The following AGBL1 variants were observed in gnomAD, a reference collection of about 807,000 sequenced individuals.
AGBL1 encodes cytosolic carboxypeptidase 4.
Under a neutral mutation model 118.9 loss-of-function variants are expected in AGBL1, and 130 were observed. That is an observed-to-expected ratio of 1.09 (90% CI 0.95 to 1.26). The LOEUF is 1.26. AGBL1 is among the 50% of genes most tolerant of loss of function. AGBL1 has a pLI of 0.00. For synonymous variants in AGBL1, 555 were observed against 478.9 expected (o/e 1.16, Z -2.08); for missense variants, 1,584 against 1,298.1 (o/e 1.22, Z -3.38).
At position 86,999,516 on chromosome 15, in the gene AGBL1, G is replaced by A. The variant is rs547428796; in HGVS notation, c.3323+11428G>A. On this transcript the variant is annotated intron_variant, in intron 24 of 24. Coordinates refer to the AGBL1 transcript ENST00000441037. The stretch of plus-strand genomic sequence containing the variant: ...GATACTTTAGTTTACTGAGAATGAT[G>A]ATTTCCAATTTCATCCATGTCCCTA... Among the ~76,000 whole-genome samples the A allele has an allele frequency of 1.2e-4, 18 of 147,246 alleles. 2 individuals are homozygous for A. The South Asian group carries it at 2.9e-3, about 24-fold the overall frequency.
intron 17 of AGBL1, among the ~76,000 whole-genome samples, chr15:86,372,388 T>G (rs1418513676): frequency 6.6e-6 from 1 of 152,160 alleles, no homozygotes; most frequent in Non-Finnish European, 1.5e-5. Flanking sequence ...CTCATCTGTC[T>G]TAAGGTCAAA....
intron 5 of AGBL1, among the ~76,000 whole-genome samples, chr15:86,169,330 A>G (rs2077383946): frequency 6.6e-6 from 1 of 152,178 alleles, no homozygotes; most frequent in Non-Finnish European, 1.5e-5. Flanking sequence ...AGGAAAGACC[A>G]CCTGCAGGAA....
In AGBL1 at chr15:86,397,507, T is replaced by C; in HGVS notation, c.2516T>C (p.Ile839Thr). 6.2e-7 allele frequency: 1 copy of C among 1,612,660 alleles called. No homozygotes were observed. Among genetic ancestry groups the C allele is most frequent in the Non-Finnish European group, 8.5e-7 (1 of 1,179,324 alleles). The change falls in exon 18 of 23, where the codon ATC becomes ACC. Residue 839 changes from isoleucine (I) to threonine (T), a missense_variant. Physicochemically the swap from Ile to Thr is moderately conservative, Grantham distance 89. Coordinates refer to ENST00000614907, the MANE Select transcript of AGBL1 (RefSeq NM_001386094.1). Reference protein sequence around the residue: ...RLLRENFIFKIIPMLNPDGVI... With the variant: ...RLLRENFIFKTIPMLNPDGVI... ...TTGAGGGAAAACTTCATCTTCAAGA[T>C]CATACCCATGCTCAACCCAGATGGT... is the stretch of plus-strand genomic sequence containing the variant.
rs146028004 is a variant in AGBL1 at position 86,552,437 on chromosome 15, G to A, written c.2818-1924G>A. ...AACTTTTGCGACATGGTATGCCAAT[G>A]TTAAGTTAAAGCTATTTGCCAGTAT... On this transcript the variant is annotated intron_variant, in intron 20 of 22. Transcript: ENST00000614907. Among the ~76,000 whole-genome samples the A allele has an allele frequency of 5.0e-3, 765 of 152,336 alleles. 7 individuals are homozygous for A. The highest frequency in any genetic ancestry group is 0.016 in the African/African-American group (670 of 41,576).
chr15:86,349,173 T>C (rs2080585931), intron 17 of AGBL1, among the ~76,000 whole-genome samples: 1 of 152,212 alleles, frequency 6.6e-6, no homozygotes, highest in Non-Finnish European at 1.5e-5. Context: ...GGAGGAAATA[T>C]GGCCTGGTAA....
At position 86,894,403 on chromosome 15, in the gene AGBL1, A is replaced by G. The variant is rs114644513; in HGVS notation, c.3159-12684A>G. ...TAACATATGTATTTCATCCTGAGGG[A>G]GCTGAATCTGAGCTGCAGAGAGAGC... On this transcript the variant is annotated intron_variant, in intron 22 of 22. Coordinates refer to ENST00000614907, the MANE Select transcript of AGBL1 (RefSeq NM_001386094.1). 6.8e-3 allele frequency among the ~76,000 whole-genome samples: 1,036 copies of G among 152,192 alleles called. 23 individuals are homozygous for G. Among genetic ancestry groups the G allele is most frequent in the African/African-American group, 0.023 (970 of 41,532 alleles).
chr15:86,363,514 G>A (rs1284444021), intron 17 of AGBL1, among the ~76,000 whole-genome samples: 1 of 151,974 alleles, frequency 6.6e-6, no homozygotes, highest in Non-Finnish European at 1.5e-5. Context: ...CTCACCTTCT[G>A]GAAGCCCTCT....
intron 22 of AGBL1, among the ~76,000 whole-genome samples, chr15:86,821,249 C>G (rs1290400470): frequency 6.6e-6 from 1 of 151,988 alleles, no homozygotes; most frequent in Admixed American, 6.6e-5. Flanking sequence ...ATGAGTGCAG[C>G]AAACCACCAT....
intron 4 of AGBL1, 150 bp from the exon 5 acceptor site, chr15:86,158,783 A>G (rs1046494479): frequency 2.0e-6 from 1 of 493,378 alleles, no homozygotes; most frequent in Non-Finnish European, 3.4e-6. Flanking sequence ...GAATGACATT[A>G]TAGAGGAATG....
rs1195776286 is a variant in AGBL1, at chr15:86,264,404, C to T, written c.1233C>T (p.Val411=). The T allele has an allele frequency of 6.2e-7, 1 of 1,613,844 alleles. No individual in the cohort carries two copies. The highest frequency in any genetic ancestry group is 2.2e-5 in the East Asian group (1 of 44,884). ...GTGGGCAAGAAAGAGAATATGCTGT[C>T]CAGACTTCCCTTCTGTGCAGGGTGA... The part of the protein sequence containing the change: ...SSCGQEREYA[V]QTSLLCRVKT... Residue 411 remains valine (V), a synonymous_variant, in exon 11 of 23, where the codon GTC becomes GTT. Coordinates refer to ENST00000614907, the MANE Select transcript of AGBL1 (RefSeq NM_001386094.1).
intron 22 of AGBL1, among the ~76,000 whole-genome samples, chr15:86,835,614 A>G (rs988272013): frequency 6.6e-6 from 1 of 152,178 alleles, no homozygotes; most frequent in Non-Finnish European, 1.5e-5. Context: ...AGTAGAAGGA[A>G]AAAAATTAAG....
At chr15:86,698,815 A>G (rs1334016288) in intron 22 of AGBL1, among the ~76,000 whole-genome samples, 2 of 151,918 alleles carry the variant, frequency 1.3e-5, no homozygotes, top group Non-Finnish European at 2.9e-5. Context: ...TGCTGCCATT[A>G]ATGAAATGGA....
At chr15:86,835,617 A>C (rs2079160417) in intron 22 of AGBL1, among the ~76,000 whole-genome samples, 1 of 152,194 alleles carries the variant, frequency 6.6e-6, no homozygotes, top group Non-Finnish European at 1.5e-5. Flanking sequence ...AGAAGGAAAA[A>C]AATTAAGACC....
chr15:86,939,538 A>T (rs982160432), intron 23 of AGBL1: 1 of 152,262 alleles, frequency 6.6e-6, no homozygotes, highest in Non-Finnish European at 1.5e-5. Flanking sequence ...CTATTGTGGG[A>T]CTTCACCTCG....
At chr15:87,007,794 G>C (rs1369904142) in intron 24 of AGBL1, among the ~76,000 whole-genome samples, 2 of 152,050 alleles carry the variant, frequency 1.3e-5, no homozygotes, top group African/African-American at 4.8e-5. Flanking sequence ...TCAATTCCTG[G>C]GCCTCAGATT....
chr15:86,269,580 T>C (rs1199119957), intron 13 of AGBL1, among the ~76,000 whole-genome samples: 8 of 152,362 alleles, frequency 5.3e-5, no homozygotes, highest in African/African-American at 1.9e-4. Flanking sequence ...TCAATTACCC[T>C]GATTTGATCA....
intron 20 of AGBL1, among the ~76,000 whole-genome samples, chr15:86,549,823 G>GA (rs2083639727): frequency 7.1e-6 from 1 of 140,126 alleles, no homozygotes; most frequent in Admixed American, 7.5e-5. Context: ...CAGAAAGAAG[G>GA]AAGGAAGGAA....
chr15:86,594,281 A>G (rs987820778), intron 21 of AGBL1, among the ~76,000 whole-genome samples: 4 of 152,040 alleles, frequency 2.6e-5, no homozygotes, highest in Non-Finnish European at 5.9e-5. Context: ...TTATCTTTTC[A>G]TATGTTGCTA....
chr15:86,220,360 C>A (rs563542875), intron 5 of AGBL1, among the ~76,000 whole-genome samples: 1 of 152,232 alleles, frequency 6.6e-6, no homozygotes, highest in East Asian at 1.9e-4. Context: ...TCTAGCATTC[C>A]CGTGAAGATC....
Sources: gnomAD v4.1 joint callset for allele counts (sites outside exome capture counted in the v4.1 genomes callset) on GRCh38, gnomAD v4.1.1 for gene constraint, MANE v1.5 for transcripts, NCBI Gene and HGNC (gene_info 2026-07-23, HGNC 2026-07-21) for gene names.